MED15: variants seen among roughly 807,000 people sequenced by gnomAD.
The protein encoded by MED15 is mediator of RNA polymerase II transcription subunit 15.
MED15 carries 41 observed loss-of-function variants against 118.7 expected under a neutral mutation model. That is an observed-to-expected ratio of 0.35 (90% CI 0.27 to 0.45). MED15 has a LOEUF of 0.45. Ranked by LOEUF, MED15 falls within the 20% of genes least tolerant of loss-of-function variation. The pLI, the probability that MED15 is intolerant of heterozygous loss-of-function variation, is 1.00. For missense variants in MED15, 740 were observed against 1,025.5 expected (o/e 0.72, Z 3.80); for synonymous variants, 436 against 413.9 (o/e 1.05, Z -0.65).
Position 20,564,590 on chromosome 22 carries a change from C to T in MED15, c.592C>T (p.Gln198Ter). Residue 198 changes from glutamine to a stop codon, truncating the protein, a stop_gained, in exon 6 of 18, where the codon CAG becomes TAG. Transcript: ENST00000263205. LOFTEE classifies it high-confidence loss of function. ...QFQAQQSAMQ[Q>*]QFQAVVQQQQ... ...CCAGGCTCAGCAGAGTGCCATGCAG[C>T]AGCAGTTCCAAGCAGTAGTGCAGCA... 1.2e-6 allele frequency: 2 copies of T among 1,610,396 alleles called. No homozygotes were observed. The highest frequency in any genetic ancestry group is 1.7e-6 in the Non-Finnish European group (2 of 1,177,680).
intron 1 of MED15, among the ~76,000 whole-genome samples, chr22:20,528,635 A>T (rs2054743949): frequency 1.3e-5 from 2 of 152,154 alleles, no homozygotes; most frequent in African/African-American, 4.8e-5. Flanking sequence ...GCCCTAGAGC[A>T]TGGTCTTCCA....
intron 5 of MED15, among the ~76,000 whole-genome samples, chr22:20,556,921 G>T (rs1265379782): frequency 2.0e-5 from 3 of 152,124 alleles, no homozygotes; most frequent in Non-Finnish European, 4.4e-5. Context: ...GACCCAGCCA[G>T]GTTTTATCAG....
At chr22:20,586,494 A>G (rs1252053504) in intron 17 of MED15, 74 bp from the exon 18 acceptor site, 55 of 1,573,276 alleles carry the variant, frequency 3.5e-5, no homozygotes, top group Non-Finnish European at 4.7e-5. Flanking sequence ...ACCCCTTCCC[A>G]GAGCACTGCC....
intron 1 of MED15, among the ~76,000 whole-genome samples, chr22:20,510,241 C>T (rs979456930): frequency 1.3e-5 from 2 of 152,088 alleles, no homozygotes; most frequent in African/African-American, 4.8e-5. Context: ...CAAAAATTAG[C>T]TGGGTGTGAT....
chr22:20,582,622 C>A lies in MED15; in HGVS notation c.1284C>A (p.Ser428Arg). The change falls in exon 10 of 18, where the codon AGC becomes AGA. Residue 428 changes from serine to arginine, a missense_variant. By Grantham distance (110) the Ser-to-Arg change is moderately radical (BLOSUM62 -1). Around this residue, in one of 7 missense-constraint regions of MED15, gnomAD observed 384 missense variants for 506.3 expected, o/e 0.76. Coordinates refer to ENST00000263205, the MANE Select transcript of MED15 (RefSeq NM_001003891.3). ...CCCTCCACTTCCAGGTCAGCCAGAG[C>A]AGCCTCCCCATGCTGTCCTCGCCGT... is the stretch of plus-strand genomic sequence containing the variant. ...GRQPMAQVSQSSLPMLSSPSP... is the reference protein window; with the variant it reads ...GRQPMAQVSQRSLPMLSSPSP... 1 of 1,559,196 alleles carries A rather than the reference C, an allele frequency of 6.4e-7. No individual in the cohort carries two copies. Among genetic ancestry groups the A allele is most frequent in the Non-Finnish European group, 8.6e-7 (1 of 1,158,740 alleles).
intron 1 of MED15, among the ~76,000 whole-genome samples, chr22:20,533,666 T>G (rs1323437080): frequency 2.6e-5 from 4 of 152,202 alleles, no homozygotes; most frequent in Non-Finnish European, 4.4e-5. Context: ...CTCGGTTTCC[T>G]GGTGTTGGCC....
chr22:20,511,901 C>T (rs2054077909), intron 1 of MED15, among the ~76,000 whole-genome samples: 1 of 151,666 alleles, frequency 6.6e-6, no homozygotes, highest in Admixed American at 6.6e-5. Context: ...CTCCCAGCCC[C>T]TCACCCTGAC....
chr22:20,561,550 A>C (rs748554525), intron 5 of MED15, among the ~76,000 whole-genome samples: 1 of 152,070 alleles, frequency 6.6e-6, no homozygotes, highest in Non-Finnish European at 1.5e-5. Context: ...GACAAATATT[A>C]ATAGAAAATA....
intron 8 of MED15, among the ~76,000 whole-genome samples, chr22:20,569,693 G>T (rs1206981201): frequency 6.6e-6 from 1 of 152,154 alleles, no homozygotes; most frequent in African/African-American, 2.4e-5. Flanking sequence ...CCTTGGCAGG[G>T]CACCAAATGA....
rs992198335 is a variant in MED15 at position 20,512,908 on chromosome 22, A to C, written c.68+5162A>C. ...AGGCATGCGCCACCAGGCCCAGCTA[A>C]TTTTTGTATTTTTAGTAGAGACGGG... On this transcript the variant is annotated intron_variant, in intron 1 of 17. Coordinates refer to ENST00000263205, the MANE Select transcript of MED15 (RefSeq NM_001003891.3). 9.2e-4 allele frequency among the ~76,000 whole-genome samples: 140 copies of C among 151,372 alleles called. 1 individual carries two copies. Among genetic ancestry groups the C allele is most frequent in the African/African-American group, 3.3e-3 (135 of 41,242 alleles).
rs959416894 is a variant in MED15, at chr22:20,551,549, G to A, written c.208+62G>A. 9 of 1,505,742 alleles carry A rather than the reference G, an allele frequency of 6.0e-6. No individual in the cohort carries two copies. In the African/African-American group the frequency reaches 9.6e-5, roughly 16 times the overall value. 93.3% of individuals were successfully genotyped at this position (1,505,742 alleles called of 1,614,324 possible). A position where few individuals can be genotyped will look rare whatever the true frequency, so the allele number is the denominator to read the frequency against. The stretch of plus-strand genomic sequence containing the variant: ...TCTGTGAGAGGCCAGCCCTGACGCT[G>A]CCTCGGCAGAGCTTTCTGGGCAGGC... On this transcript the variant is annotated intron_variant, in intron 3 of 17. Coordinates refer to ENST00000263205, the MANE Select transcript of MED15 (RefSeq NM_001003891.3).
At position 20,564,379 on chromosome 22, in the gene MED15, T is replaced by C. The variant is rs933012201; in HGVS notation, c.452-71T>C. 5.1e-5 allele frequency: 80 copies of C among 1,583,414 alleles called. No homozygotes were observed. In the Admixed American group the frequency reaches 9.4e-4, roughly 19 times the overall value. Reference sequence around the variant, plus strand: ...GGCTTTTGCTGGCTGTTTTGTCCCTTGCTGTGCAGCCCTGCAGCGTTTCTG... The same window carrying C: ...GGCTTTTGCTGGCTGTTTTGTCCCTCGCTGTGCAGCCCTGCAGCGTTTCTG... On this transcript the variant is annotated intron_variant, in intron 5 of 17. Coordinates refer to ENST00000263205, the MANE Select transcript of MED15 (RefSeq NM_001003891.3).
chr22:20,583,155 C>T lies in MED15; in HGVS notation c.1580C>T (p.Ala527Val). 6 of 1,608,574 alleles carry T rather than the reference C, an allele frequency of 3.7e-6. No individual in the cohort carries two copies. The highest frequency in any genetic ancestry group is 1.7e-5 in the Admixed American group (1 of 59,914). Residue 527 changes from alanine (A) to valine (V), a missense_variant, in exon 12 of 18, where the codon GCT (alanine) becomes GTT (valine). Ala to Val is a moderately conservative substitution (Grantham distance 64). Coordinates refer to ENST00000263205, the MANE Select transcript of MED15 (RefSeq NM_001003891.3). ...SVMSPAGSSQAEEQQYLDKLK... is the reference protein window; with the variant it reads ...SVMSPAGSSQVEEQQYLDKLK... ...ATGAGCCCAGCTGGCTCCAGCCAGG[C>T]TGAGGAGCAGCAGTACCTGGACAAG...
chr22:20,575,363 A>C, intron 9 of MED15, 131 bp downstream of exon 9: 1 of 1,164,234 alleles, frequency 8.6e-7, no homozygotes, highest in Non-Finnish European at 1.1e-6. Flanking sequence ...CCAAACCCAC[A>C]GTCCCTTTTT....
chr22:20,568,645 G>T lies in MED15; in HGVS notation c.1152+14G>T, dbSNP rs779897071. The stretch of plus-strand genomic sequence containing the variant: ...CCCGGAGTCCAGGTGAGGGCCTGGG[G>T]GTGGAGGGCTCCATAGTCATCAGCA... On this transcript the variant is annotated intron_variant, in intron 8 of 17. Transcript: ENST00000263205. 5.6e-6 allele frequency: 9 copies of T among 1,611,090 alleles called. No individual in the cohort carries two copies. In the East Asian group the frequency reaches 1.8e-4, roughly 32 times the overall value.
At chr22:20,537,318 C>T in intron 2 of MED15, 114 bp downstream of exon 2, 1 of 838,510 alleles carries the variant, frequency 1.2e-6, no homozygotes, top group Admixed American at 2.6e-5. Flanking sequence ...GGTGGTTGCT[C>T]ATCGATTGAT....
At chr22:20,541,493 T>C (rs1346120574) in intron 2 of MED15, among the ~76,000 whole-genome samples, 2 of 152,182 alleles carry the variant, frequency 1.3e-5, no homozygotes, top group Non-Finnish European at 2.9e-5. Context: ...ATTGGAATTC[T>C]CTTTCTTTTT....
chr22:20,552,434 ACT>A lies in MED15; in HGVS notation c.209-706_209-705del, dbSNP rs1236976471. The A allele has an allele frequency of 1.8e-5, 6 of 328,984 alleles. No individual in the cohort carries two copies. The Admixed American group carries it at 2.7e-4, about 15-fold the overall frequency. 20.4% of individuals were successfully genotyped at this position (328,984 alleles called of 1,614,324 possible). A position where few individuals can be genotyped will look rare whatever the true frequency, so the allele number is the denominator to read the frequency against. ...CAGCAAAGTGAACTTCACTGATCTCACTCTCTGTGGTGTTGGAAAGTCACTGG... is the reference window on the plus strand; with the variant it reads ...CAGCAAAGTGAACTTCACTGATCTCACTCTGTGGTGTTGGAAAGTCACTGG... On this transcript the variant is annotated intron_variant, in intron 3 of 17. Transcript: ENST00000263205.
intron 5 of MED15, among the ~76,000 whole-genome samples, chr22:20,555,766 C>T (rs1386982492): frequency 6.6e-6 from 1 of 152,256 alleles, no homozygotes; most frequent in East Asian, 1.9e-4. Flanking sequence ...CTGTGGGCCA[C>T]ATTGGAGTGC....
Sources: gnomAD v4.1 joint callset for allele counts (sites outside exome capture counted in the v4.1 genomes callset) on GRCh38, gnomAD v4.1.1 for gene constraint, gnomAD v4.1.1 regional missense constraint, MANE v1.5 for transcripts, NCBI Gene and HGNC (gene_info 2026-07-23, HGNC 2026-07-21) for gene names.